The following ARAP2 variants were observed in gnomAD, a reference collection of about 807,000 sequenced individuals.
The protein encoded by ARAP2 is ArfGAP with RhoGAP domain, ankyrin repeat and PH domain 2.
Under a neutral mutation model 194.5 loss-of-function variants are expected in ARAP2, and 148 were observed. The ratio of observed to expected loss-of-function variants is 0.76; its 90% CI spans 0.67 to 0.87. The LOEUF is 0.87. Among genes scored for constraint, ARAP2 ranks in the 40% least tolerant of loss-of-function variants. ARAP2 has a pLI of 0.00. For missense variants in ARAP2, 2,128 were observed against 1,989.7 expected, an observed-to-expected ratio of 1.07 and a Z score of -1.32; for synonymous variants, 695 against 683.5, an observed-to-expected ratio of 1.02 and a Z score of -0.26.
At chr4:36,222,297 G>A (rs1749340890) in intron 2 of ARAP2, among the ~76,000 whole-genome samples, 1 of 151,968 alleles carries the variant, frequency 6.6e-6, no homozygotes, top group African/African-American at 2.4e-5. Context: ...AGCAAAAAAT[G>A]TTATTTTTAT....
At chr4:36,085,789 A>T (rs1175435899) in intron 28 of ARAP2, among the ~76,000 whole-genome samples, 2 of 152,144 alleles carry the variant, frequency 1.3e-5, no homozygotes, top group Non-Finnish European at 2.9e-5. Context: ...TAGCAGATTT[A>T]ACATCAATTT....
rs1560264843 is a variant in ARAP2 at position 36,014,314 on chromosome 4, GAA to G, written n.1056+1070_1056+1071del. Among the ~76,000 whole-genome samples the G allele has an allele frequency of 1.9e-4, 12 of 63,466 alleles. 1 individual carries two copies. Among genetic ancestry groups the G allele is most frequent in the African/African-American group, 3.2e-4 (6 of 18,478 alleles). The allele number at this position is 63,466 out of a possible 152,430, so 41.6% of individuals were successfully genotyped here. A position where few individuals can be genotyped will look rare whatever the true frequency, so the allele number is the denominator to read the frequency against. On this transcript the variant is annotated intron_variant and non_coding_transcript_variant, in intron 8 of 12. Coordinates refer to the ARAP2 transcript ENST00000503225. Reference sequence around the variant, plus strand: ...GAAAGAAAGAAGAGAAGGAAGGAAAGAAAGAAAGAGAGAAAGAAAGAAAGAAA... The same window carrying G: ...GAAAGAAAGAAGAGAAGGAAGGAAAGAGAAAGAGAGAAAGAAAGAAAGAAA...
chr4:36,192,768 C>A (rs926389257), intron 7 of ARAP2, among the ~76,000 whole-genome samples: 2 of 152,100 alleles, frequency 1.3e-5, no homozygotes, highest in East Asian at 1.9e-4. Flanking sequence ...GAGGCCAAGG[C>A]GGCAGATCAC....
chr4:36,012,961 AAAATT>A (rs373343307), intron 8 of ARAP2: 5 of 152,248 alleles, frequency 3.3e-5, no homozygotes, highest in African/African-American at 9.7e-5. Context: ...ATATACAAAT[AAAATT>A]ATAGTCTAAA....
intron 20 of ARAP2, among the ~76,000 whole-genome samples, chr4:36,130,133 T>A (rs1170886905): frequency 1.3e-5 from 2 of 152,002 alleles, no homozygotes; most frequent in Admixed American, 1.3e-4. Context: ...CTATTATTTG[T>A]GGACTGAGTT....
intron 27 of ARAP2, among the ~76,000 whole-genome samples, chr4:36,100,433 A>G (rs1171324082): frequency 1.3e-5 from 2 of 152,020 alleles, no homozygotes; most frequent in African/African-American, 4.8e-5. Flanking sequence ...TACCTGTCCC[A>G]TGTACTCTAA....
At chr4:36,152,421 G>A (rs1731211575) in intron 15 of ARAP2, among the ~76,000 whole-genome samples, 1 of 152,096 alleles carries the variant, frequency 6.6e-6, no homozygotes, top group South Asian at 2.1e-4. Context: ...ACGAATCAAA[G>A]GGAGTTTGGA....
intron 1 of ARAP2, among the ~76,000 whole-genome samples, chr4:36,236,095 G>A (rs1261621140): frequency 6.6e-6 from 1 of 151,276 alleles, no homozygotes; most frequent in Non-Finnish European, 1.5e-5. Flanking sequence ...GGGAGGATGG[G>A]TTGAGCTCAG....
At chr4:36,006,484 A>C (rs887305296) in intron 10 of ARAP2, 12 of 152,158 alleles carry the variant, frequency 7.9e-5, no homozygotes, top group African/African-American at 2.9e-4. Flanking sequence ...TAGAACTAAT[A>C]ATTGAAGCAA....
intron 6 of ARAP2, among the ~76,000 whole-genome samples, chr4:36,194,694 T>C (rs1431148278): frequency 2.0e-5 from 3 of 152,204 alleles, no homozygotes; most frequent in Admixed American, 6.5e-5. Flanking sequence ...TTAGCAAATA[T>C]GTTCTGCATA....
At chr4:36,178,232 G>A (rs1738427263) in intron 8 of ARAP2, among the ~76,000 whole-genome samples, 1 of 152,148 alleles carries the variant, frequency 6.6e-6, no homozygotes. Flanking sequence ...TTACCTGAGA[G>A]TTTATTAGAA....
chr4:36,043,558 A>G (rs911211247), intron 5 of ARAP2, among the ~76,000 whole-genome samples: 5 of 152,044 alleles, frequency 3.3e-5, no homozygotes, highest in African/African-American at 4.8e-5. Flanking sequence ...GCCAGAAGCT[A>G]AAGGCATACA....
At chr4:36,112,693 A>T (rs1021454967) in intron 26 of ARAP2, among the ~76,000 whole-genome samples, 6 of 141,768 alleles carry the variant, frequency 4.2e-5, no homozygotes, top group African/African-American at 1.3e-4. Context: ...TTAGAGATTT[A>T]AAAAAAAAAA....
intron 2 of ARAP2, among the ~76,000 whole-genome samples, chr4:36,055,219 C>A (rs192806193): frequency 2.0e-5 from 3 of 152,150 alleles, no homozygotes; most frequent in Non-Finnish European, 4.4e-5. Context: ...CACTAAGGCC[C>A]TGATAGGAAA....
intron 9 of ARAP2, among the ~76,000 whole-genome samples, chr4:36,170,254 A>G (rs1403927740): frequency 6.6e-6 from 1 of 152,244 alleles, no homozygotes; most frequent in Admixed American, 6.5e-5. Flanking sequence ...TAACTAATTT[A>G]GACAGTATAA....
At chr4:36,219,709 T>C (rs555116159) in intron 2 of ARAP2, among the ~76,000 whole-genome samples, 1 of 152,264 alleles carries the variant, frequency 6.6e-6, no homozygotes, top group Admixed American at 6.5e-5. Context: ...TATACACACA[T>C]GCACCTAAAA....
At chr4:36,232,041 G>A (rs538013846) in intron 1 of ARAP2, among the ~76,000 whole-genome samples, 10 of 152,318 alleles carry the variant, frequency 6.6e-5, no homozygotes, top group African/African-American at 2.4e-4. Flanking sequence ...AGGACACAGG[G>A]AAAAGGTGGC....
intron 5 of ARAP2, among the ~76,000 whole-genome samples, chr4:36,028,380 C>G (rs1301308723): frequency 2.0e-5 from 3 of 151,844 alleles, no homozygotes; most frequent in African/African-American, 7.3e-5. Flanking sequence ...ATGGAAATAG[C>G]TTGATTTAAA....
At chr4:36,019,679 A>G (rs1048418983) in intron 5 of ARAP2, among the ~76,000 whole-genome samples, 7 of 152,114 alleles carry the variant, frequency 4.6e-5, no homozygotes, top group African/African-American at 1.7e-4. Flanking sequence ...AGGTAGATCA[A>G]AGGGCCAATA....
Sources: allele counts gnomAD v4.1 joint callset (sites outside exome capture counted in the v4.1 genomes callset), GRCh38; gene constraint gnomAD v4.1.1; transcripts MANE v1.5; gene names NCBI Gene and HGNC (gene_info 2026-07-23, HGNC 2026-07-21).